The following ACTN4 variants were observed in gnomAD, a reference collection of about 807,000 sequenced individuals.
The protein encoded by ACTN4 is actinin alpha 4, also known as alpha-actinin-4.
Under a neutral mutation model 114.2 loss-of-function variants are expected in ACTN4, and 18 were observed. The ratio of observed to expected loss-of-function variants is 0.16; its 90% CI spans 0.11 to 0.23. ACTN4 has a LOEUF of 0.23. Ranked by LOEUF, ACTN4 falls within the 10% of genes least tolerant of loss-of-function variation. ACTN4 has a pLI of 1.00. For missense variants in ACTN4, 722 were observed against 1,262.9 expected, an observed-to-expected ratio of 0.57 and a Z score of 6.49; for synonymous variants, 515 against 506.3, an observed-to-expected ratio of 1.02 and a Z score of -0.23.
At position 38,718,153 on chromosome 19, in the gene ACTN4, C is replaced by T. The variant is rs151102337; in HGVS notation, c.1291+79C>T. 1.4e-4 allele frequency: 211 copies of T among 1,550,714 alleles called. 1 individual carries two copies. Among genetic ancestry groups the T allele is most frequent in the Middle Eastern group, 1.7e-4 (1 of 5,982 alleles). On this transcript the variant is annotated intron_variant, in intron 11 of 20. Transcript: ENST00000252699. ...TGTCTCTCAGGCATGCATGGGTGTG[C>T]ACACACAGCCCCCTGCCACGTTGGG...
rs200444098 is a variant in ACTN4, at chr19:38,661,437, G to A, written c.162+13530G>A. Among the ~76,000 whole-genome samples, 11 of 152,302 alleles carry A rather than the reference G, an allele frequency of 7.2e-5. No individual in the cohort carries two copies. In the East Asian group the frequency reaches 2.1e-3, roughly 29 times the overall value. ...ACTGTGTACTACTCATAATGGCTTTGTAGTGTGGCTCTCTTAGGGAGCTTA... is the reference window on the plus strand; with the variant it reads ...ACTGTGTACTACTCATAATGGCTTTATAGTGTGGCTCTCTTAGGGAGCTTA... On this transcript the variant is annotated intron_variant, in intron 1 of 20. Coordinates refer to ENST00000252699, the MANE Select transcript of ACTN4 (RefSeq NM_004924.6).
At position 38,681,561 on chromosome 19, in the gene ACTN4, A is replaced by G. The variant is rs538988857; in HGVS notation, c.163-19039A>G. Among the ~76,000 whole-genome samples, 41 of 152,218 alleles carry G rather than the reference A, an allele frequency of 2.7e-4. 1 individual carries two copies. Among genetic ancestry groups the G allele is most frequent in the African/African-American group, 9.9e-4 (41 of 41,520 alleles). On this transcript the variant is annotated intron_variant, in intron 1 of 20. Coordinates refer to ENST00000252699, the MANE Select transcript of ACTN4 (RefSeq NM_004924.6). ...CTTGGTGTTCCCACTCTGCAGAACA[A>G]CCTTCTCTCCAGGTCACCACTGATC... is the stretch of plus-strand genomic sequence containing the variant.
chr19:38,659,849 G>A (rs1976827305), intron 1 of ACTN4, among the ~76,000 whole-genome samples: 1 of 152,032 alleles, frequency 6.6e-6, no homozygotes, highest in Non-Finnish European at 1.5e-5. Context: ...CCCCTTATTT[G>A]GGATTGGTTG....
At position 38,717,075 on chromosome 19, in the gene ACTN4, G is replaced by C; in HGVS notation, c.913-11G>C. Reference sequence around the variant, plus strand: ...CCCCACAAAGGCCACGCTGGCTTCTGTGGCCCACAGCTCCTGGAGTGGATC... The same window carrying C: ...CCCCACAAAGGCCACGCTGGCTTCTCTGGCCCACAGCTCCTGGAGTGGATC... On this transcript the variant is annotated splice_polypyrimidine_tract_variant and intron_variant, in intron 9 of 20. Transcript: ENST00000252699. The surrounding 1 kb of genome is among the most constrained non-coding windows in gnomAD (Gnocchi z 4.0). 1 of 1,610,214 alleles carries C rather than the reference G, an allele frequency of 6.2e-7. No homozygotes were observed. The highest frequency in any genetic ancestry group is 8.5e-7 in the Non-Finnish European group (1 of 1,178,334).
At chr19:38,711,225 G>A (rs534554623) in intron 8 of ACTN4, 21 of 938,034 alleles carry the variant, frequency 2.2e-5, no homozygotes, top group East Asian at 1.1e-4. Context: ...CCCTCCCTGC[G>A]TCTTTCACTC....
chr19:38,687,448 G>A (rs566590904), intron 1 of ACTN4, among the ~76,000 whole-genome samples: 1 of 152,268 alleles, frequency 6.6e-6, no homozygotes, highest in East Asian at 1.9e-4. Context: ...TGAAATTCAG[G>A]TATTTTTAAA....
intron 1 of ACTN4, among the ~76,000 whole-genome samples, chr19:38,661,724 C>T (rs936361051): frequency 1.3e-5 from 2 of 152,160 alleles, no homozygotes; most frequent in African/African-American, 4.8e-5. Flanking sequence ...ACAATCTCGG[C>T]TCACTGCAAG....
intron 1 of ACTN4, among the ~76,000 whole-genome samples, chr19:38,697,998 G>A (rs1245038024): frequency 1.3e-5 from 2 of 152,200 alleles, no homozygotes; most frequent in South Asian, 2.1e-4. Context: ...CCTGGAGCTC[G>A]CACATGGTAG....
chr19:38,649,186 C>T (rs1049259730), intron 1 of ACTN4, among the ~76,000 whole-genome samples: 1 of 29,720 alleles, frequency 3.4e-5, no homozygotes, highest in African/African-American at 1.3e-4. Context: ...TTTTGGGGGG[C>T]GGGGGGGGCA....
intron 1 of ACTN4, among the ~76,000 whole-genome samples, chr19:38,697,997 C>T (rs148947594): frequency 9.9e-4 from 150 of 152,264 alleles, no homozygotes; most frequent in Middle Eastern, 3.4e-3. Context: ...CCCTGGAGCT[C>T]GCACATGGTA....
chr19:38,724,022 G>A lies in ACTN4; in HGVS notation c.1637G>A (p.Ser546Asn), dbSNP rs1372390160. 6.2e-7 allele frequency: 1 copy of A among 1,613,864 alleles called. No homozygotes were observed. Among genetic ancestry groups the A allele is most frequent in the East Asian group, 2.2e-5 (1 of 44,886 alleles). Residue 546 changes from serine (S) to asparagine (N), a missense_variant, in exon 14 of 21, where the codon AGC (serine) becomes AAC (asparagine). Transcript: ENST00000252699. The surrounding 1 kb of genome is among the most constrained non-coding windows in gnomAD (Gnocchi z 7.0). Reference sequence around the variant, plus strand: ...GCCCCCTTCAACAACTGGATGGAGAGCGCCATGGAGGACCTCCAGGACATG... The same window carrying A: ...GCCCCCTTCAACAACTGGATGGAGAACGCCATGGAGGACCTCCAGGACATG... The part of the protein sequence containing the change: ...RAAPFNNWME[S>N]AMEDLQDMFI...
chr19:38,698,506 G>A (rs1475433363), intron 1 of ACTN4, among the ~76,000 whole-genome samples: 1 of 152,232 alleles, frequency 6.6e-6, no homozygotes, highest in Non-Finnish European at 1.5e-5. Context: ...GACAAGAACT[G>A]TTAGAGACCA....
chr19:38,729,508 A>ACTC lies in ACTN4; in HGVS notation c.*77_*79dup. On this transcript the variant is annotated 3_prime_UTR_variant, in exon 21 of 21. Coordinates refer to ENST00000252699, the MANE Select transcript of ACTN4 (RefSeq NM_004924.6). ...GGCAGCCCCACAGTCCCATTCCTCC[A>ACTC]CTCTGTATCTATGCAAAGCACTCTC... 1.6e-6 allele frequency: 2 copies of ACTC among 1,232,952 alleles called. No individual in the cohort carries two copies. The highest frequency in any genetic ancestry group is 4.8e-5 in the Admixed American group (2 of 41,796). 76.4% of individuals were successfully genotyped at this position (1,232,952 alleles called of 1,614,324 possible).
intron 11 of ACTN4, 43 bp from the exon 12 acceptor site, chr19:38,721,495 C>A (rs745978210): frequency 6.2e-7 from 1 of 1,612,110 alleles, no homozygotes; most frequent in African/African-American, 1.3e-5. Flanking sequence ...TCCTGCCCCA[C>A]AGCTGCCGTG....
At chr19:38,726,810 C>A in intron 17 of ACTN4, 147 bp from the exon 18 acceptor site, 1 of 1,217,026 alleles carries the variant, frequency 8.2e-7, no homozygotes, top group Non-Finnish European at 1.1e-6. Flanking sequence ...AGCAGGGAGG[C>A]ACCATGGCCC....
At chr19:38,723,788 A>C (rs1969130304) in intron 13 of ACTN4, 66 bp downstream of exon 13, 1 of 1,486,080 alleles carries the variant, frequency 6.7e-7, no homozygotes, top group Non-Finnish European at 9.2e-7. Flanking sequence ...GGTGGTGTGG[A>C]TAGTGTCCAG....
chr19:38,689,084 A>G (rs969903040), intron 1 of ACTN4, among the ~76,000 whole-genome samples: 5 of 152,214 alleles, frequency 3.3e-5, no homozygotes, highest in Non-Finnish European at 5.9e-5. Context: ...ACTCCTAGGT[A>G]TATGCCCAAG....
chr19:38,651,726 T>TTTTTG (rs535471343), intron 1 of ACTN4, among the ~76,000 whole-genome samples: 313 of 152,122 alleles, frequency 2.1e-3, no homozygotes, highest in African/African-American at 7.2e-3. Context: ...GTATTTGTTT[T>TTTTTG]TTTTGTTTTG....
In ACTN4 at chr19:38,667,432, A is replaced by G. The variant is rs189948023; in HGVS notation, c.162+19525A>G. On this transcript the variant is annotated intron_variant, in intron 1 of 20. Coordinates refer to ENST00000252699, the MANE Select transcript of ACTN4 (RefSeq NM_004924.6). Reference sequence around the variant, plus strand: ...AATCACAAGGGGTGGGGGGTGTCTCAGAAATATTCTTAGCTGGGTTCAACT... The same window carrying G: ...AATCACAAGGGGTGGGGGGTGTCTCGGAAATATTCTTAGCTGGGTTCAACT... Among the ~76,000 whole-genome samples, 195 of 152,316 alleles carry G rather than the reference A, an allele frequency of 1.3e-3. 4 individuals are homozygous for G. In the South Asian group the frequency reaches 0.027, roughly 21 times the overall value.
Sources: allele counts gnomAD v4.1 joint callset (sites outside exome capture counted in the v4.1 genomes callset), GRCh38; gene constraint gnomAD v4.1.1; non-coding constraint Gnocchi (gnomAD v3.1); transcripts MANE v1.5; gene names NCBI Gene and HGNC (gene_info 2026-07-23, HGNC 2026-07-21).